Variants in TLL1 observed in about 807,000 individuals in gnomAD.
TLL1 encodes the protein tolloid like 1, also known as tolloid-like protein 1.
A neutral mutation model predicts 128.2 loss-of-function variants in TLL1; 49 were observed. That is an observed-to-expected ratio of 0.38 (90% CI 0.30 to 0.48). The LOEUF is 0.48. Among genes scored for constraint, TLL1 ranks in the 20% least tolerant of loss-of-function variants. The pLI is 0.96. For missense variants in TLL1, 1,123 were observed against 1,242.0 expected (o/e 0.90, Z 1.44); for synonymous variants, 454 against 418.8 (o/e 1.08, Z -1.03).
chr4:166,100,397 ACCT>A (rs750988129), intron 20 of TLL1, among the ~76,000 whole-genome samples: 2 of 152,074 alleles, frequency 1.3e-5, no homozygotes, highest in Non-Finnish European at 2.9e-5. Context: ...CACTCTCTGA[ACCT>A]CACTTTACTG....
rs548510807 is a variant in TLL1 at position 165,978,785 on chromosome 4, G to C, written c.170-10596G>C. Among the ~76,000 whole-genome samples, 86 of 152,322 alleles carry C rather than the reference G, an allele frequency of 5.6e-4. 1 individual carries two copies. The highest frequency in any genetic ancestry group is 6.8e-3 in the Middle Eastern group (2 of 294). ...TTAGCTGTTCTCAGGTTGGTCTGCT[G>C]TGCTTTCCAATGAGTATCTTGTCAG... On this transcript the variant is annotated intron_variant, in intron 1 of 20. Coordinates refer to ENST00000061240, the MANE Select transcript of TLL1 (RefSeq NM_012464.5).
At chr4:165,938,053 C>T (rs1029952226) in intron 1 of TLL1, among the ~76,000 whole-genome samples, 2 of 151,702 alleles carry the variant, frequency 1.3e-5, no homozygotes, top group African/African-American at 2.4e-5. Context: ...GTTGGCATTA[C>T]GGGTTGATAC....
intron 1 of TLL1, among the ~76,000 whole-genome samples, chr4:165,898,625 G>A (rs1021191825): frequency 1.3e-5 from 2 of 152,120 alleles, no homozygotes; most frequent in Non-Finnish European, 2.9e-5. Context: ...TGATGAATTT[G>A]GTTTGCCAGT....
At chr4:165,962,826 A>G (rs1735179426) in intron 1 of TLL1, among the ~76,000 whole-genome samples, 1 of 151,894 alleles carries the variant, frequency 6.6e-6, no homozygotes, top group South Asian at 2.1e-4. Context: ...ACCAAATACC[A>G]AATGCTCTCA....
chr4:166,010,932 C>G (rs79259931), intron 7 of TLL1, among the ~76,000 whole-genome samples: 25,576 of 150,328 alleles, frequency 0.17, 2,750 homozygotes, highest in East Asian at 0.37. Context: ...AATCTTGACA[C>G]CCTTGTCAAA....
At chr4:165,940,300 A>G (rs1331731311) in intron 1 of TLL1, among the ~76,000 whole-genome samples, 1 of 151,986 alleles carries the variant, frequency 6.6e-6, no homozygotes, top group African/African-American at 2.4e-5. Flanking sequence ...GTTGTATGTG[A>G]TTACATTCAA....
At chr4:165,927,424 C>T (rs985907990) in intron 1 of TLL1, among the ~76,000 whole-genome samples, 1 of 151,938 alleles carries the variant, frequency 6.6e-6, no homozygotes, top group African/African-American at 2.4e-5. Context: ...AGTTTTTTTC[C>T]CTTTAGCTGT....
intron 1 of TLL1, among the ~76,000 whole-genome samples, chr4:165,884,454 C>A (rs944183171): frequency 7.9e-5 from 12 of 152,148 alleles, no homozygotes; most frequent in African/African-American, 2.7e-4. Context: ...TGGACTAGTA[C>A]AAGTGTAACC....
intron 1 of TLL1, among the ~76,000 whole-genome samples, chr4:165,897,662 C>CTTTTTTTTTTTTT (rs951819686): frequency 4.2e-5 from 2 of 47,516 alleles, no homozygotes; most frequent in African/African-American, 9.0e-5. Flanking sequence ...GGTAGTCCAG[C>CTTTTTTTTTTTTT]TTTTTTTTTT....
intron 18 of TLL1, among the ~76,000 whole-genome samples, chr4:166,084,346 C>A (rs1456158453): frequency 1.3e-5 from 2 of 152,054 alleles, no homozygotes; most frequent in African/African-American, 4.8e-5. Flanking sequence ...TCTTTCCACT[C>A]TGTTGATTGC....
intron 1 of TLL1, among the ~76,000 whole-genome samples, chr4:165,904,369 T>C (rs1055315449): frequency 6.6e-6 from 1 of 152,216 alleles, no homozygotes; most frequent in Non-Finnish European, 1.5e-5. Context: ...TTTGTTTGAC[T>C]AGTTCAGTCT....
chr4:165,893,684 G>C (rs962972992), intron 1 of TLL1, among the ~76,000 whole-genome samples: 2 of 152,078 alleles, frequency 1.3e-5, no homozygotes, highest in African/African-American at 4.8e-5. Flanking sequence ...AAATTCCTTG[G>C]GGCTCACCCA....
intron 14 of TLL1, 26 bp downstream of exon 14, chr4:166,057,335 C>T (rs1740067451): frequency 2.5e-6 from 4 of 1,612,710 alleles, no homozygotes; most frequent in African/African-American, 1.3e-5. Context: ...TTCCTGGACC[C>T]CCACCCCCCA....
At chr4:166,024,952 T>C (rs1278170391) in intron 8 of TLL1, among the ~76,000 whole-genome samples, 1 of 152,190 alleles carries the variant, frequency 6.6e-6, no homozygotes, top group African/African-American at 2.4e-5. Context: ...GTGAAATGTT[T>C]CACGTGGTCC....
At chr4:165,903,767 AT>A (rs1038589695) in intron 1 of TLL1, among the ~76,000 whole-genome samples, 5 of 151,166 alleles carry the variant, frequency 3.3e-5, no homozygotes, top group African/African-American at 1.2e-4. Context: ...ACACACACAA[AT>A]AATAATAATA....
chr4:166,096,930 A>G (rs1372545045), intron 19 of TLL1, among the ~76,000 whole-genome samples: 1 of 152,108 alleles, frequency 6.6e-6, no homozygotes, highest in African/African-American at 2.4e-5. Context: ...TTTTCATTTC[A>G]TACCTGAGTG....
chr4:165,980,370 G>A (rs1579577049), intron 1 of TLL1, among the ~76,000 whole-genome samples: 1 of 152,082 alleles, frequency 6.6e-6, no homozygotes, highest in Admixed American at 6.6e-5. Flanking sequence ...TTCATCAAAA[G>A]TTTGCATCTC....
At chr4:166,039,471 A>T (rs372223759) in intron 10 of TLL1, 30 bp downstream of exon 10, 1 of 1,530,134 alleles carries the variant, frequency 6.5e-7, no homozygotes, top group East Asian at 2.3e-5. Context: ...TTATGTGGCT[A>T]TGTATCTATT....
intron 16 of TLL1, among the ~76,000 whole-genome samples, chr4:166,072,179 A>G (rs997872603): frequency 1.3e-5 from 2 of 151,992 alleles, no homozygotes; most frequent in Non-Finnish European, 2.9e-5. Context: ...ACTAACTCAT[A>G]AGTATATTCT....
Sources: gnomAD v4.1 joint callset for allele counts (sites outside exome capture counted in the v4.1 genomes callset) on GRCh38, gnomAD v4.1.1 for gene constraint, MANE v1.5 for transcripts, NCBI Gene and HGNC (gene_info 2026-07-23, HGNC 2026-07-21) for gene names.